Variants in NYAP2 observed in about 807,000 individuals in gnomAD.
NYAP2 encodes the protein neuronal tyrosine-phosphorylated phosphoinositide-3-kinase adapter 2.
In NYAP2, 23 loss-of-function variants were observed where a neutral mutation model predicts 50.4. That is an observed-to-expected ratio of 0.46 (90% CI 0.33 to 0.65). The LOEUF is 0.65. Among genes scored for constraint, NYAP2 ranks in the 30% least tolerant of loss-of-function variants. The pLI, the probability that NYAP2 is intolerant of heterozygous loss-of-function variation, is 0.02. For synonymous variants in NYAP2, 394 were observed against 365.2 expected, an observed-to-expected ratio of 1.08 and a Z score of -0.90; for missense variants, 885 against 861.0, an observed-to-expected ratio of 1.03 and a Z score of -0.35.
At chr2:225,505,601 G>A (rs1040231611) in intron 3 of NYAP2, among the ~76,000 whole-genome samples, 2 of 152,148 alleles carry the variant, frequency 1.3e-5, no homozygotes, top group Admixed American at 1.3e-4. Context: ...TGTTTCCTGT[G>A]TTGTATCATC....
At chr2:225,632,816 C>G (rs945399158) in intron 6 of NYAP2, among the ~76,000 whole-genome samples, 1 of 152,204 alleles carries the variant, frequency 6.6e-6, no homozygotes, top group Non-Finnish European at 1.5e-5. Context: ...TGGGGACACA[C>G]ACACCTACCC....
the NYAP2 span, among the ~76,000 whole-genome samples, chr2:225,663,964 T>A: frequency 6.6e-6 from 1 of 152,172 alleles, no homozygotes; most frequent in African/African-American, 2.4e-5. Context: ...ATTGCTTATT[T>A]GTCAAGTCTG....
intron 3 of NYAP2, among the ~76,000 whole-genome samples, chr2:225,433,425 C>T (rs1436894038): frequency 6.6e-6 from 1 of 151,560 alleles, no homozygotes; most frequent in Non-Finnish European, 1.5e-5. Context: ...TTGCCAAAAT[C>T]CTGGCGTATG....
At chr2:225,531,682 C>T (rs963427639) in intron 4 of NYAP2, among the ~76,000 whole-genome samples, 14 of 152,070 alleles carry the variant, frequency 9.2e-5, no homozygotes, top group African/African-American at 3.4e-4. Flanking sequence ...AAAGAAGTTC[C>T]GATATTGGAG....
At chr2:225,425,630 CCTAT>C (rs1249938359) in intron 3 of NYAP2, among the ~76,000 whole-genome samples, 1 of 152,116 alleles carries the variant, frequency 6.6e-6, no homozygotes, top group Non-Finnish European at 1.5e-5. Context: ...TTCTAAGAGA[CCTAT>C]CTAATATGTT....
chr2:225,692,134 G>C, the NYAP2 span, among the ~76,000 whole-genome samples: 5 of 152,084 alleles, frequency 3.3e-5, no homozygotes, highest in African/African-American at 7.2e-5. Flanking sequence ...CTAGGCCTTT[G>C]ATAAATTATT....
At chr2:225,544,482 C>T (rs1691534520) in intron 4 of NYAP2, among the ~76,000 whole-genome samples, 1 of 151,758 alleles carries the variant, frequency 6.6e-6, no homozygotes, top group Admixed American at 6.6e-5. Context: ...TGTGTTAGAA[C>T]CCATTATTTT....
chr2:225,413,838 T>C (rs1481102200), intron 3 of NYAP2, among the ~76,000 whole-genome samples: 1 of 152,232 alleles, frequency 6.6e-6, no homozygotes, highest in African/African-American at 2.4e-5. Context: ...GTTTAGTGTA[T>C]AGAATATACA....
intron 3 of NYAP2, among the ~76,000 whole-genome samples, chr2:225,437,981 TTC>T (rs1419024647): frequency 6.6e-6 from 1 of 151,984 alleles, no homozygotes; most frequent in Non-Finnish European, 1.5e-5. Context: ...CTCTCTCTCT[TTC>T]TCTCTTTCTT....
At chr2:225,606,421 C>A (rs1692788861) in intron 5 of NYAP2, among the ~76,000 whole-genome samples, 1 of 152,130 alleles carries the variant, frequency 6.6e-6, no homozygotes, top group African/African-American at 2.4e-5. Flanking sequence ...GCAACAGGAA[C>A]TTCGATTTTG....
At chr2:225,646,322 C>T (rs140665127) in intron 6 of NYAP2, among the ~76,000 whole-genome samples, 62 of 152,290 alleles carry the variant, frequency 4.1e-4, no homozygotes, top group South Asian at 6.2e-4. Flanking sequence ...GAGGCCAAGG[C>T]GGGCAGATCA....
chr2:225,409,117 A>C lies in NYAP2; in HGVS notation c.221+16A>C. 2 of 1,530,142 alleles carry C rather than the reference A, an allele frequency of 1.3e-6. No homozygotes were observed. The highest frequency in any genetic ancestry group is 1.8e-6 in the Non-Finnish European group (2 of 1,129,396). The allele number at this position is 1,530,142 out of a possible 1,614,324, so 94.8% of individuals were successfully genotyped here. ...CAATAAAGCGGTAAATATAAATAAAATTATTTTGAGTTTTGTGCACATGAG... is the reference window on the plus strand; with the variant it reads ...CAATAAAGCGGTAAATATAAATAAACTTATTTTGAGTTTTGTGCACATGAG... On this transcript the variant is annotated intron_variant, in intron 3 of 6. Coordinates refer to ENST00000636099, the Ensembl canonical transcript of NYAP2.
chr2:225,607,858 C>T (rs550329068), intron 5 of NYAP2, among the ~76,000 whole-genome samples: 1 of 152,198 alleles, frequency 6.6e-6, no homozygotes, highest in Non-Finnish European at 1.5e-5. Context: ...TATAGGGAGA[C>T]ATTTGCATGT....
chr2:225,533,244 A>G (rs1472268181), intron 4 of NYAP2, among the ~76,000 whole-genome samples: 2 of 152,256 alleles, frequency 1.3e-5, no homozygotes, highest in Admixed American at 1.3e-4. Flanking sequence ...GTCTCCAAAA[A>G]TGTGGCTAAC....
chr2:225,483,813 C>T (rs966151414), intron 3 of NYAP2, among the ~76,000 whole-genome samples: 4 of 152,024 alleles, frequency 2.6e-5, no homozygotes, highest in East Asian at 3.9e-4. Context: ...ATTTCAGGCA[C>T]GGAAAAATAA....
chr2:225,636,924 G>A (rs1012655036), intron 6 of NYAP2, among the ~76,000 whole-genome samples: 1 of 152,132 alleles, frequency 6.6e-6, no homozygotes, highest in East Asian at 1.9e-4. Context: ...GCCAGGCTGA[G>A]ACCAGAAAAA....
At chr2:225,624,972 T>C (rs538218644) in intron 5 of NYAP2, among the ~76,000 whole-genome samples, 15 of 129,458 alleles carry the variant, frequency 1.2e-4, no homozygotes, top group Non-Finnish European at 3.1e-5. Flanking sequence ...CAGATTCAGA[T>C]AATGGTGAAC....
intron 6 of NYAP2, among the ~76,000 whole-genome samples, chr2:225,638,727 T>G (rs1172357069): frequency 6.6e-6 from 1 of 152,158 alleles, no homozygotes; most frequent in East Asian, 1.9e-4. Flanking sequence ...CAAACACCTT[T>G]CCCAGCCAGA....
chr2:225,682,061 G>C, the NYAP2 span, among the ~76,000 whole-genome samples: 1 of 152,100 alleles, frequency 6.6e-6, no homozygotes, highest in South Asian at 2.1e-4. Flanking sequence ...GACACTTATT[G>C]AAAGAGCCAA....
Sources: gnomAD v4.1 joint callset for allele counts (sites outside exome capture counted in the v4.1 genomes callset) on GRCh38, gnomAD v4.1.1 for gene constraint, MANE v1.5 for transcripts, NCBI Gene and HGNC (gene_info 2026-07-23, HGNC 2026-07-21) for gene names.